ROBO1: variants seen among roughly 807,000 people sequenced by gnomAD.
ROBO1 encodes roundabout guidance receptor 1.
In ROBO1, 149 loss-of-function variants were observed where a neutral mutation model predicts 195.9. The ratio of observed to expected loss-of-function variants is 0.76; its 90% confidence interval spans 0.67 to 0.87. The LOEUF (loss-of-function observed/expected upper bound fraction) is 0.87. ROBO1 is among the 40% of genes least tolerant of loss of function. The pLI, the probability that ROBO1 is intolerant of heterozygous loss-of-function variation, is 0.00. For missense variants in ROBO1, 1,933 were observed against 2,068.3 expected (o/e 0.93, Z 1.27); for synonymous variants, 816 against 733.2 (o/e 1.11, Z -1.82).
intron 1 of ROBO1, among the ~76,000 whole-genome samples, chr3:79,615,701 CAAAT>C (rs1307923414): frequency 2.4e-4 from 36 of 152,118 alleles, no homozygotes; most frequent in African/African-American, 8.2e-4. Flanking sequence ...GTAGAACAAA[CAAAT>C]AGATTAGAAA....
At chr3:79,232,445 GA>G (rs2082337110) in intron 2 of ROBO1, among the ~76,000 whole-genome samples, 1 of 149,538 alleles carries the variant, frequency 6.7e-6, no homozygotes, top group African/African-American at 2.5e-5. Flanking sequence ...AGAGAAGAAA[GA>G]AAACTTAAGA....
intron 9 of ROBO1, among the ~76,000 whole-genome samples, chr3:78,687,280 T>G (rs937911510): frequency 6.6e-6 from 1 of 152,224 alleles, no homozygotes. Context: ...AAATATTTCA[T>G]TCTTTCTTGT....
intron 3 of ROBO1, among the ~76,000 whole-genome samples, chr3:79,070,812 A>G (rs990708881): frequency 6.6e-6 from 1 of 151,580 alleles, no homozygotes; most frequent in Admixed American, 6.6e-5. Flanking sequence ...CAACATACTC[A>G]TGTGTTTTTT....
chr3:78,861,647 C>T (rs74478758), intron 4 of ROBO1, among the ~76,000 whole-genome samples: 6 of 152,292 alleles, frequency 3.9e-5, no homozygotes, highest in Non-Finnish European at 7.4e-5. Flanking sequence ...ATACCTTTCC[C>T]TTACACATCC....
At chr3:79,569,147 C>T (rs972085235) in intron 2 of ROBO1, among the ~76,000 whole-genome samples, 15 of 151,778 alleles carry the variant, frequency 9.9e-5, no homozygotes, top group South Asian at 4.2e-4. Context: ...CACACACACA[C>T]GCACGATTTG....
At chr3:79,036,202 CTTTT>C (rs1190623923) in intron 3 of ROBO1, among the ~76,000 whole-genome samples, 1 of 152,048 alleles carries the variant, frequency 6.6e-6, no homozygotes, top group Non-Finnish European at 1.5e-5. Flanking sequence ...ATCTTTTTCT[CTTTT>C]TATTTTCCTC....
At chr3:79,747,682 G>C (rs1576313976) in intron 1 of ROBO1, among the ~76,000 whole-genome samples, 1 of 151,960 alleles carries the variant, frequency 6.6e-6, no homozygotes, top group Admixed American at 6.6e-5. Context: ...CAAACTAAAA[G>C]ACATCCCAGG....
chr3:79,417,394 G>T (rs1320501572), intron 2 of ROBO1, among the ~76,000 whole-genome samples: 1 of 152,092 alleles, frequency 6.6e-6, no homozygotes, highest in East Asian at 1.9e-4. Context: ...GGACTAAAAT[G>T]ACTACAGACC....
intron 2 of ROBO1, among the ~76,000 whole-genome samples, chr3:79,227,531 C>A (rs1251820279): frequency 2.6e-5 from 4 of 152,196 alleles, no homozygotes; most frequent in African/African-American, 9.7e-5. Context: ...TCTCTCCTAT[C>A]CTTGGCCAGC....
chr3:78,947,364 G>A (rs2040504385), intron 3 of ROBO1, among the ~76,000 whole-genome samples: 3 of 152,198 alleles, frequency 2.0e-5, no homozygotes, highest in Non-Finnish European at 2.9e-5. Flanking sequence ...TCAGGATTAA[G>A]AAACTCACTC....
chr3:78,791,578 A>C (rs936759089), intron 4 of ROBO1, among the ~76,000 whole-genome samples: 1 of 152,168 alleles, frequency 6.6e-6, no homozygotes, highest in African/African-American at 2.4e-5. Context: ...CTGGTATTAC[A>C]TTATTTCTTA....
chr3:79,529,763 AG>A (rs1212345690), intron 2 of ROBO1, among the ~76,000 whole-genome samples: 2 of 152,218 alleles, frequency 1.3e-5, no homozygotes, highest in African/African-American at 2.4e-5. Context: ...AGATATACAG[AG>A]GGGACTACTG....
chr3:79,455,626 G>T (rs1219073502), intron 2 of ROBO1, among the ~76,000 whole-genome samples: 1 of 151,972 alleles, frequency 6.6e-6, no homozygotes, highest in African/African-American at 2.4e-5. Context: ...GTAGATACAG[G>T]GAAGAACTAT....
At chr3:79,541,854 G>C (rs1207074587) in intron 2 of ROBO1, among the ~76,000 whole-genome samples, 2 of 150,756 alleles carry the variant, frequency 1.3e-5, no homozygotes, top group African/African-American at 2.4e-5. Context: ...TGGAGAGAGA[G>C]AGAGAAAGAG....
At chr3:79,500,979 C>A (rs1304253911) in intron 2 of ROBO1, among the ~76,000 whole-genome samples, 1 of 152,108 alleles carries the variant, frequency 6.6e-6, no homozygotes, top group East Asian at 1.9e-4. Flanking sequence ...ACCATCACTC[C>A]TCCACCTCAG....
At chr3:78,929,088 T>C (rs547264251) in intron 4 of ROBO1, among the ~76,000 whole-genome samples, 25 of 152,302 alleles carry the variant, frequency 1.6e-4, no homozygotes, top group African/African-American at 5.3e-4. Flanking sequence ...CATTCAGGCA[T>C]ACTAAATAAC....
At chr3:78,811,647 C>G (rs539314110) in intron 4 of ROBO1, among the ~76,000 whole-genome samples, 1 of 152,194 alleles carries the variant, frequency 6.6e-6, no homozygotes, top group African/African-American at 2.4e-5. Context: ...TCCCATAACA[C>G]TCTATATTCC....
intron 4 of ROBO1, among the ~76,000 whole-genome samples, chr3:78,766,633 G>A (rs961698797): frequency 6.6e-6 from 1 of 152,034 alleles, no homozygotes; most frequent in Admixed American, 6.6e-5. Context: ...TGATTGCTCT[G>A]GCTAGGACTT....
intron 2 of ROBO1, among the ~76,000 whole-genome samples, chr3:79,549,492 T>C (rs2107667220): frequency 6.6e-6 from 1 of 152,290 alleles, no homozygotes; most frequent in East Asian, 1.9e-4. Context: ...AGATTGAAAT[T>C]ATTTTTTAAT....
Sources: gnomAD v4.1 joint callset for allele counts (sites outside exome capture counted in the v4.1 genomes callset) on GRCh38, gnomAD v4.1.1 for gene constraint, MANE v1.5 for transcripts, NCBI Gene and HGNC (gene_info 2026-07-23, HGNC 2026-07-21) for gene names.